Variants in TMTC2 observed in about 807,000 individuals in gnomAD.
TMTC2 encodes the protein protein O-mannosyl-transferase TMTC2.
In TMTC2, 43 loss-of-function variants were observed where a neutral mutation model predicts 82.4. The ratio of observed to expected loss-of-function variants is 0.52; its 90% confidence interval spans 0.41 to 0.67. TMTC2 has a LOEUF of 0.67. Ranked by LOEUF, TMTC2 falls within the 30% of genes least tolerant of loss-of-function variation. The pLI, the probability that TMTC2 is intolerant of heterozygous loss-of-function variation, is 0.00. For synonymous variants in TMTC2, 408 were observed against 381.9 expected, an observed-to-expected ratio of 1.07 and a Z score of -0.80; for missense variants, 919 against 1,012.4, an observed-to-expected ratio of 0.91 and a Z score of 1.25.
At chr12:83,125,160 G>A (rs1420537102) in intron 11 of TMTC2, among the ~76,000 whole-genome samples, 1 of 152,204 alleles carries the variant, frequency 6.6e-6, no homozygotes, top group African/African-American at 2.4e-5. Context: ...CATCCATGGA[G>A]ATCCCACTGC....
At chr12:82,956,554 A>G (rs1174514146) in intron 4 of TMTC2, among the ~76,000 whole-genome samples, 1 of 152,108 alleles carries the variant, frequency 6.6e-6, no homozygotes, top group African/African-American at 2.4e-5. Context: ...TGTTCAAGTG[A>G]TTCTCCTGCC....
chr12:82,972,917 C>G (rs1878511914), intron 7 of TMTC2, among the ~76,000 whole-genome samples: 1 of 151,968 alleles, frequency 6.6e-6, no homozygotes, highest in African/African-American at 2.4e-5. Flanking sequence ...TTTACCTCAC[C>G]TTGTTTCGGA....
intron 11 of TMTC2, among the ~76,000 whole-genome samples, chr12:83,125,209 A>G (rs1409287692): frequency 6.6e-6 from 1 of 152,146 alleles, no homozygotes; most frequent in Non-Finnish European, 1.5e-5. Context: ...CCAGATTTCT[A>G]TCATTACCTT....
chr12:82,996,298 G>C (rs1436184241), intron 8 of TMTC2, among the ~76,000 whole-genome samples: 1 of 152,188 alleles, frequency 6.6e-6, no homozygotes, highest in African/African-American at 2.4e-5. Context: ...TGAAAGGGGT[G>C]AGGGTGAAGG....
chr12:82,762,610 TA>T (rs1223454914), intron 1 of TMTC2, among the ~76,000 whole-genome samples: 1 of 151,916 alleles, frequency 6.6e-6, no homozygotes, highest in Non-Finnish European at 1.5e-5. Context: ...AATCCTGTCA[TA>T]AAAGAGAATG....
chr12:82,941,475 C>G (rs561094271), intron 4 of TMTC2, among the ~76,000 whole-genome samples: 1 of 152,304 alleles, frequency 6.6e-6, no homozygotes, highest in East Asian at 1.9e-4. Context: ...AGATAATAAA[C>G]TAATGAGTAA....
intron 11 of TMTC2, among the ~76,000 whole-genome samples, chr12:83,102,200 T>C (rs182445461): frequency 6.6e-6 from 1 of 152,192 alleles, no homozygotes; most frequent in Non-Finnish European, 1.5e-5. Flanking sequence ...AGTTGACACA[T>C]GTGTCCTTTA....
chr12:82,930,345 C>A (rs1242272271), intron 3 of TMTC2, 86 bp from the exon 4 acceptor site: 5 of 650,000 alleles, frequency 7.7e-6, no homozygotes, highest in Non-Finnish European at 1.1e-5. Flanking sequence ...GTTTTCTCTC[C>A]CTGTGGTACT....
chr12:82,816,325 G>T (rs1015057150), intron 1 of TMTC2, among the ~76,000 whole-genome samples: 4 of 151,984 alleles, frequency 2.6e-5, no homozygotes, highest in African/African-American at 9.7e-5. Flanking sequence ...AGCTTCACTT[G>T]TGAAAAATTC....
chr12:83,091,012 C>G (rs1883829331), intron 11 of TMTC2, among the ~76,000 whole-genome samples: 1 of 152,160 alleles, frequency 6.6e-6, no homozygotes, highest in Non-Finnish European at 1.5e-5. Context: ...GCTGTATGTT[C>G]TACTTAAGTG....
intron 10 of TMTC2, among the ~76,000 whole-genome samples, chr12:83,060,142 T>A (rs938524463): frequency 2.0e-5 from 3 of 151,894 alleles, no homozygotes; most frequent in Middle Eastern, 3.4e-3. Context: ...TTTATGAGAA[T>A]ATAAATTGCA....
At chr12:82,728,783 G>C (rs374625863) in intron 1 of TMTC2, among the ~76,000 whole-genome samples, 3 of 152,296 alleles carry the variant, frequency 2.0e-5, no homozygotes, top group African/African-American at 7.2e-5. Flanking sequence ...AGAGGCGTGG[G>C]CAGGAACTGG....
intron 3 of TMTC2, among the ~76,000 whole-genome samples, chr12:82,929,795 A>G (rs1875928451): frequency 6.6e-6 from 1 of 152,198 alleles, no homozygotes; most frequent in Non-Finnish European, 1.5e-5. Flanking sequence ...AAAAATTACT[A>G]TTATTTGGGG....
intron 11 of TMTC2, among the ~76,000 whole-genome samples, chr12:83,124,999 A>AT (rs1885061605): frequency 6.6e-6 from 1 of 152,150 alleles, no homozygotes; most frequent in Non-Finnish European, 1.5e-5. Flanking sequence ...TTCATCTTAA[A>AT]TTTTTTTGTT....
intron 11 of TMTC2, among the ~76,000 whole-genome samples, chr12:83,122,341 C>T (rs1358070507): frequency 6.6e-6 from 1 of 151,298 alleles, no homozygotes; most frequent in Non-Finnish European, 1.5e-5. Flanking sequence ...GGCCAGGAGA[C>T]TTCCTGATCA....
intron 8 of TMTC2, among the ~76,000 whole-genome samples, chr12:83,009,794 T>A (rs1880372507): frequency 1.3e-5 from 2 of 152,188 alleles, no homozygotes; most frequent in South Asian, 4.1e-4. Flanking sequence ...AGACAATGTT[T>A]CCATGGACTG....
intron 1 of TMTC2, among the ~76,000 whole-genome samples, chr12:82,784,459 GC>G (rs1878075956): frequency 6.6e-6 from 1 of 152,118 alleles, no homozygotes; most frequent in Non-Finnish European, 1.5e-5. Context: ...TACTATGATC[GC>G]ACGGCCTGAT....
At chr12:83,086,476 T>A (rs1883662723) in intron 11 of TMTC2, among the ~76,000 whole-genome samples, 1 of 152,218 alleles carries the variant, frequency 6.6e-6, no homozygotes, top group African/African-American at 2.4e-5. Flanking sequence ...TGTCACCCAG[T>A]TCCAGACAAA....
At chr12:82,934,218 T>C (rs1876194601) in intron 4 of TMTC2, among the ~76,000 whole-genome samples, 1 of 152,152 alleles carries the variant, frequency 6.6e-6, no homozygotes, top group South Asian at 2.1e-4. Flanking sequence ...TGTGCAACAC[T>C]TGTATTTCTT....
Sources: gnomAD v4.1 joint callset for allele counts (sites outside exome capture counted in the v4.1 genomes callset) on GRCh38, gnomAD v4.1.1 for gene constraint, MANE v1.5 for transcripts, NCBI Gene and HGNC (gene_info 2026-07-23, HGNC 2026-07-21) for gene names.